Variants in SLC2A13 observed in about 807,000 individuals in gnomAD.
SLC2A13 encodes the protein solute carrier family 2 member 13.
Under a neutral mutation model 64.4 loss-of-function variants are expected in SLC2A13, and 32 were observed. That is an observed-to-expected ratio of 0.50 (90% CI 0.37 to 0.67). The LOEUF (loss-of-function observed/expected upper bound fraction) is 0.67, where lower values mean the gene tolerates loss of function less well. SLC2A13 is among the 30% of genes least tolerant of loss of function. The pLI is 0.00. For synonymous variants in SLC2A13, 338 were observed against 327.1 expected (o/e 1.03, Z -0.36); for missense variants, 743 against 829.2 (o/e 0.90, Z 1.28).
chr12:40,100,376 G>C (rs1487274597), intron 1 of SLC2A13, among the ~76,000 whole-genome samples: 1 of 152,176 alleles, frequency 6.6e-6, no homozygotes, highest in Non-Finnish European at 1.5e-5. Flanking sequence ...ATAATAAGCA[G>C]TAGAATAAAT....
At chr12:39,902,493 C>T (rs1219637369) in intron 4 of SLC2A13, among the ~76,000 whole-genome samples, 1 of 151,958 alleles carries the variant, frequency 6.6e-6, no homozygotes, top group African/African-American at 2.4e-5. Flanking sequence ...ATAAATTAAA[C>T]AGTGGCATAT....
At chr12:40,095,040 A>G (rs545485945) in intron 1 of SLC2A13, among the ~76,000 whole-genome samples, 2 of 152,314 alleles carry the variant, frequency 1.3e-5, no homozygotes, top group East Asian at 1.9e-4. Context: ...TAAGCAAGAC[A>G]CTTTCCTGAG....
At chr12:40,052,332 T>C (rs896665935) in intron 1 of SLC2A13, among the ~76,000 whole-genome samples, 1 of 152,110 alleles carries the variant, frequency 6.6e-6, no homozygotes, top group Non-Finnish European at 1.5e-5. Flanking sequence ...GAATAACCTG[T>C]CTCCTCCTTT....
intron 3 of SLC2A13, among the ~76,000 whole-genome samples, chr12:39,977,668 T>A (rs1283976039): frequency 2.0e-5 from 3 of 152,234 alleles, no homozygotes; most frequent in Non-Finnish European, 2.9e-5. Context: ...TCAGAGCCAG[T>A]GACACACTCC....
At chr12:39,898,487 T>C (rs942905614) in intron 4 of SLC2A13, among the ~76,000 whole-genome samples, 2 of 126,124 alleles carry the variant, frequency 1.6e-5, no homozygotes, top group African/African-American at 2.7e-5. Flanking sequence ...AGTAGTTCTA[T>C]AGTAGCCACG....
chr12:40,029,149 A>G (rs28370791), intron 2 of SLC2A13, among the ~76,000 whole-genome samples: 3,546 of 152,276 alleles, frequency 0.023, 145 homozygotes, highest in African/African-American at 0.08. Context: ...TTATCTCTTT[A>G]AATATCTATT....
chr12:39,806,509 T>C (rs889303792), intron 7 of SLC2A13, among the ~76,000 whole-genome samples: 7 of 152,316 alleles, frequency 4.6e-5, no homozygotes, highest in Admixed American at 4.6e-4. Flanking sequence ...ATTGCATTTA[T>C]CATTATCTGA....
chr12:39,883,707 C>T lies in SLC2A13; in HGVS notation c.1035-11746G>A, dbSNP rs77746962. 9.7e-3 allele frequency among the ~76,000 whole-genome samples: 1,469 copies of T among 152,228 alleles called. 18 individuals are homozygous for T. The highest frequency in any genetic ancestry group is 0.034 in the African/African-American group (1,392 of 41,536). ...ACTTGTAAGTAAAACTTTGCAAGAACTTTCATTCTATATAAAAGCAACATT... is the reference window on the plus strand; with the variant it reads ...ACTTGTAAGTAAAACTTTGCAAGAATTTTCATTCTATATAAAAGCAACATT... On this transcript the variant is annotated intron_variant, in intron 4 of 9. Transcript: ENST00000280871.
intron 1 of SLC2A13, among the ~76,000 whole-genome samples, chr12:40,076,234 G>A (rs928200997): frequency 6.6e-6 from 1 of 152,104 alleles, no homozygotes; most frequent in Non-Finnish European, 1.5e-5. Context: ...CTGGAGTTTG[G>A]TGTACAAATT....
chr12:40,054,880 T>G (rs1301370473), intron 1 of SLC2A13, among the ~76,000 whole-genome samples: 1 of 152,198 alleles, frequency 6.6e-6, no homozygotes, highest in African/African-American at 2.4e-5. Flanking sequence ...CTAATTAGCT[T>G]CTTAGTAGCA....
rs1243004555 is a variant in SLC2A13, at chr12:39,995,082, C to G, written c.925+33219G>C. Among the ~76,000 whole-genome samples the G allele has an allele frequency of 2.0e-5, 3 of 152,172 alleles. No individual in the cohort carries two copies. In the East Asian group the frequency reaches 5.8e-4, roughly 29 times the overall value. On this transcript the variant is annotated intron_variant, in intron 3 of 9. Transcript: ENST00000280871. Reference sequence around the variant, plus strand: ...GTCTGAGTTAACCAGTATGAGAAAGCATGATGCTTTAAAACAAACAAAACT... The same window carrying G: ...GTCTGAGTTAACCAGTATGAGAAAGGATGATGCTTTAAAACAAACAAAACT...
intron 4 of SLC2A13, among the ~76,000 whole-genome samples, chr12:39,885,691 G>T (rs1053888674): frequency 6.6e-6 from 1 of 152,132 alleles, no homozygotes; most frequent in Non-Finnish European, 1.5e-5. Context: ...TCTACCTCGT[G>T]AATCATGGAA....
At chr12:39,865,011 T>C in intron 5 of SLC2A13, 129 bp from the exon 6 acceptor site, 1 of 787,854 alleles carries the variant, frequency 1.3e-6, no homozygotes, top group East Asian at 2.9e-5. Flanking sequence ...TACCGTGCTC[T>C]ATCTTCACTG....
chr12:40,014,490 AT>A (rs201727488), intron 3 of SLC2A13, among the ~76,000 whole-genome samples: 4 of 150,940 alleles, frequency 2.7e-5, no homozygotes, highest in African/African-American at 9.7e-5. Context: ...AAAGATATTC[AT>A]TTTTTTTTCT....
At chr12:39,850,510 T>C (rs1176334587) in intron 6 of SLC2A13, among the ~76,000 whole-genome samples, 1 of 152,128 alleles carries the variant, frequency 6.6e-6, no homozygotes, top group Non-Finnish European at 1.5e-5. Flanking sequence ...AATTTTACTC[T>C]AGTCATATAT....
At chr12:39,829,401 T>TTTTTC in intron 7 of SLC2A13, 1 of 100,182 alleles carries the variant, frequency 1.0e-5, no homozygotes, top group African/African-American at 4.2e-5. Flanking sequence ...TCTTTTTTTT[T>TTTTTC]TTTTTTTTTT....
At chr12:40,087,047 T>A (rs1274649598) in intron 1 of SLC2A13, among the ~76,000 whole-genome samples, 1 of 152,114 alleles carries the variant, frequency 6.6e-6, no homozygotes, top group Non-Finnish European at 1.5e-5. Context: ...TCAGATTGAT[T>A]TCCTCTAATC....
At chr12:39,863,048 C>T (rs1943803522) in intron 6 of SLC2A13, among the ~76,000 whole-genome samples, 1 of 152,098 alleles carries the variant, frequency 6.6e-6, no homozygotes, top group Non-Finnish European at 1.5e-5. Flanking sequence ...ATATGTTACT[C>T]ATACAATAAA....
At chr12:39,762,103 C>T (rs983773476) in intron 9 of SLC2A13, among the ~76,000 whole-genome samples, 3 of 152,126 alleles carry the variant, frequency 2.0e-5, no homozygotes, top group South Asian at 2.1e-4. Flanking sequence ...ATCCAAAGCA[C>T]GCAAATGCCA....
Sources: allele counts gnomAD v4.1 joint callset (sites outside exome capture counted in the v4.1 genomes callset), GRCh38; gene constraint gnomAD v4.1.1; transcripts MANE v1.5; gene names NCBI Gene and HGNC (gene_info 2026-07-23, HGNC 2026-07-21).